The following SLC2A13 variants were observed in gnomAD, a reference collection of about 807,000 sequenced individuals.
The protein encoded by SLC2A13 is proton myo-inositol cotransporter.
In SLC2A13, 32 loss-of-function variants were observed where a neutral mutation model predicts 64.4. That is an observed-to-expected ratio of 0.50 (90% confidence interval 0.37 to 0.67). The LOEUF (loss-of-function observed/expected upper bound fraction) is 0.67, where lower values mean the gene tolerates loss of function less well. Ranked by LOEUF, SLC2A13 falls within the 30% of genes least tolerant of loss-of-function variation. SLC2A13 has a pLI of 0.00. For missense variants in SLC2A13, 743 were observed against 829.2 expected (o/e 0.90, Z 1.28); for synonymous variants, 338 against 327.1 (o/e 1.03, Z -0.36).
intron 3 of SLC2A13, among the ~76,000 whole-genome samples, chr12:39,974,538 C>T (rs1222772645): frequency 6.6e-6 from 1 of 152,206 alleles, no homozygotes; most frequent in Non-Finnish European, 1.5e-5. Context: ...AGGTACATGA[C>T]TGAGTTTTTG....
At chr12:39,942,450 GTATTT>G (rs1946049012) in intron 4 of SLC2A13, among the ~76,000 whole-genome samples, 1 of 152,106 alleles carries the variant, frequency 6.6e-6, no homozygotes. Flanking sequence ...ATATTTCTAA[GTATTT>G]TATATTTTTT....
chr12:39,933,185 C>G (rs766279197), intron 4 of SLC2A13, among the ~76,000 whole-genome samples: 14 of 152,260 alleles, frequency 9.2e-5, no homozygotes, highest in Non-Finnish European at 1.9e-4. Context: ...GCTGAGATGG[C>G]ACCACTGCAC....
In SLC2A13 at chr12:39,975,745, G is replaced by A. The variant is rs146486378; in HGVS notation, c.926-24380C>T. 4.0e-3 allele frequency among the ~76,000 whole-genome samples: 609 copies of A among 152,286 alleles called. 7 individuals are homozygous for A. Among genetic ancestry groups the A allele is most frequent in the African/African-American group, 0.014 (580 of 41,556 alleles). ...CAGATGACTCATGCACAAAACAGATGTAGCTCTTTAAATGCAAGTATTTTT... is the reference window on the plus strand; with the variant it reads ...CAGATGACTCATGCACAAAACAGATATAGCTCTTTAAATGCAAGTATTTTT... On this transcript the variant is annotated intron_variant, in intron 3 of 9. Coordinates refer to ENST00000280871, the MANE Select transcript of SLC2A13 (RefSeq NM_052885.4).
intron 2 of SLC2A13, among the ~76,000 whole-genome samples, chr12:40,047,004 C>G (rs1156924264): frequency 6.6e-6 from 1 of 151,730 alleles, no homozygotes; most frequent in African/African-American, 2.4e-5. Flanking sequence ...AGGGTTCAAG[C>G]GATTCTCCTG....
intron 1 of SLC2A13, among the ~76,000 whole-genome samples, chr12:40,095,488 T>C (rs1331878503): frequency 6.6e-6 from 1 of 152,250 alleles, no homozygotes; most frequent in Admixed American, 6.5e-5. Flanking sequence ...GGCTTAATAT[T>C]TGCAGGATAT....
At chr12:39,830,970 T>A (rs1260994088) in intron 6 of SLC2A13, among the ~76,000 whole-genome samples, 1 of 152,082 alleles carries the variant, frequency 6.6e-6, no homozygotes, top group Non-Finnish European at 1.5e-5. Flanking sequence ...GCAGAAAAAA[T>A]TTAAAGAAGC....
intron 1 of SLC2A13, among the ~76,000 whole-genome samples, chr12:40,103,346 C>CGGA (rs1939205653): frequency 6.6e-6 from 1 of 152,200 alleles, no homozygotes; most frequent in Non-Finnish European, 1.5e-5. Flanking sequence ...GAGCTTCTGG[C>CGGA]TTCCCTCTGT....
chr12:40,088,062 T>C (rs760542714), intron 1 of SLC2A13, among the ~76,000 whole-genome samples: 7 of 152,220 alleles, frequency 4.6e-5, no homozygotes, highest in Non-Finnish European at 8.8e-5. Flanking sequence ...AAGAGTTTCA[T>C]ACAGTTTGTC....
At chr12:39,821,525 G>T (rs868641183) in intron 7 of SLC2A13, among the ~76,000 whole-genome samples, 18 of 152,180 alleles carry the variant, frequency 1.2e-4, no homozygotes, top group African/African-American at 4.3e-4. Flanking sequence ...ATTGCAGTGG[G>T]ATTTACAAAA....
intron 4 of SLC2A13, among the ~76,000 whole-genome samples, chr12:39,932,123 G>C (rs953994633): frequency 6.6e-6 from 1 of 151,856 alleles, no homozygotes; most frequent in Admixed American, 6.6e-5. Context: ...CTTTCAGTTT[G>C]GTGTTTTAAT....
At chr12:40,008,511 T>C (rs193003276) in intron 3 of SLC2A13, among the ~76,000 whole-genome samples, 1 of 151,758 alleles carries the variant, frequency 6.6e-6, no homozygotes, top group Admixed American at 6.6e-5. Flanking sequence ...CTCGAGAGGC[T>C]GAGGTGGGAG....
chr12:39,867,074 T>C (rs1943929817), intron 5 of SLC2A13, among the ~76,000 whole-genome samples: 1 of 152,176 alleles, frequency 6.6e-6, no homozygotes, highest in African/African-American at 2.4e-5. Flanking sequence ...AGAAAAGAGA[T>C]ATAATAGGTC....
intron 2 of SLC2A13, among the ~76,000 whole-genome samples, chr12:40,043,620 T>C (rs1016545040): frequency 4.6e-5 from 7 of 152,214 alleles, no homozygotes; most frequent in Middle Eastern, 6.8e-3. Flanking sequence ...TGTTCGTCAC[T>C]ATAATGCAAA....
rs1371961589 is a variant in SLC2A13, at chr12:39,757,344, T to C, written c.*2682A>G. 2 of 151,844 alleles carry C rather than the reference T, an allele frequency of 1.3e-5. No homozygotes were observed. The highest frequency in any genetic ancestry group is 3.0e-5 in the Non-Finnish European group (2 of 67,722). 9.4% of individuals were successfully genotyped at this position (151,844 alleles called of 1,614,324 possible). A position where few individuals can be genotyped will look rare whatever the true frequency, so the allele number is the denominator to read the frequency against. On this transcript the variant is annotated 3_prime_UTR_variant, in exon 10 of 10. Coordinates refer to ENST00000280871, the MANE Select transcript of SLC2A13 (RefSeq NM_052885.4). Reference sequence around the variant, plus strand: ...AAATCACATCATATATAAATTGTCCTACAAAATATATATTTGATGATACTA... The same window carrying C: ...AAATCACATCATATATAAATTGTCCCACAAAATATATATTTGATGATACTA...
At chr12:39,917,678 G>A (rs1178564030) in intron 4 of SLC2A13, among the ~76,000 whole-genome samples, 3 of 151,988 alleles carry the variant, frequency 2.0e-5, no homozygotes, top group East Asian at 3.9e-4. Flanking sequence ...CCGTGGCCTT[G>A]TTTGCAGGTT....
At chr12:39,937,786 C>A (rs1945941444) in intron 4 of SLC2A13, among the ~76,000 whole-genome samples, 1 of 152,114 alleles carries the variant, frequency 6.6e-6, no homozygotes, top group Non-Finnish European at 1.5e-5. Flanking sequence ...CCACATTGGG[C>A]ATATTTAGCT....
At chr12:40,055,193 G>A (rs1264508616) in intron 1 of SLC2A13, among the ~76,000 whole-genome samples, 1 of 151,956 alleles carries the variant, frequency 6.6e-6, no homozygotes, top group Non-Finnish European at 1.5e-5. Flanking sequence ...AAAGATGCTG[G>A]GAAACTTCAA....
At chr12:39,834,233 G>T (rs1315336864) in intron 6 of SLC2A13, among the ~76,000 whole-genome samples, 1 of 151,896 alleles carries the variant, frequency 6.6e-6, no homozygotes, top group East Asian at 1.9e-4. Flanking sequence ...CTTGAGATAG[G>T]TCAAAAAAAG....
At chr12:40,084,163 A>G (rs558897956) in intron 1 of SLC2A13, among the ~76,000 whole-genome samples, 20 of 152,308 alleles carry the variant, frequency 1.3e-4, no homozygotes, top group African/African-American at 4.6e-4. Context: ...GGTAACTGCA[A>G]ATCTATACTA....
Sources: gnomAD v4.1 joint callset for allele counts (sites outside exome capture counted in the v4.1 genomes callset) on GRCh38, gnomAD v4.1.1 for gene constraint, MANE v1.5 for transcripts, NCBI Gene and HGNC (gene_info 2026-07-23, HGNC 2026-07-21) for gene names.